CD81: variants seen among roughly 807,000 people sequenced by gnomAD.
CD81 encodes the protein CD81 antigen.
Under a neutral mutation model 30.1 loss-of-function variants are expected in CD81, and 10 were observed. The ratio of observed to expected loss-of-function variants is 0.33; its 90% CI spans 0.21 to 0.56. The LOEUF (loss-of-function observed/expected upper bound fraction) is 0.56, where lower values mean the gene tolerates loss of function less well. Among genes scored for constraint, CD81 ranks in the 20% least tolerant of loss-of-function variants. The pLI is 0.89. For missense variants in CD81, 263 were observed against 308.7 expected, an observed-to-expected ratio of 0.85 and a Z score of 1.11; for synonymous variants, 147 against 126.4, an observed-to-expected ratio of 1.16 and a Z score of -1.10.
chr11:2,393,937 G>T, intron 2 of CD81, 158 bp from the exon 3 acceptor site: 5 of 710,394 alleles, frequency 7.0e-6, no homozygotes, highest in Non-Finnish European at 1.3e-5. Context: ...ACCAGGCCAG[G>T]CTGGGATGTG....
chr11:2,387,632 G>A (rs561127995), intron 1 of CD81, among the ~76,000 whole-genome samples: 6 of 152,194 alleles, frequency 3.9e-5, no homozygotes, highest in African/African-American at 1.4e-4. Flanking sequence ...ACCAGGAGCT[G>A]TCTGCCCCTG....
chr11:2,384,674 T>C, intron 1 of CD81: 1 of 199,902 alleles, frequency 5.0e-6, no homozygotes, highest in Middle Eastern at 6.4e-4. Context: ...GCAGAGAGGC[T>C]TCCCACAGGT....
chr11:2,395,839 G>A (rs762529935), intron 5 of CD81, 30 bp from the exon 6 acceptor site: 2 of 1,518,584 alleles, frequency 1.3e-6, no homozygotes, highest in Non-Finnish European at 1.8e-6. Flanking sequence ...GGCACATCCA[G>A]GGCTGACCTT....
At chr11:2,390,667 T>C (rs1432259583) in intron 2 of CD81, 141 bp downstream of exon 2, 4 of 710,530 alleles carry the variant, frequency 5.6e-6, no homozygotes, top group Non-Finnish European at 1.0e-5. Flanking sequence ...TGGAAAGGGC[T>C]CTGGGCACAA....
At position 2,397,223 on chromosome 11, in the gene CD81, C is replaced by T. The variant is rs927447082; in HGVS notation, c.*357C>T. 5 of 400,224 alleles carry T rather than the reference C, an allele frequency of 1.2e-5. No individual in the cohort carries two copies. Among genetic ancestry groups the T allele is most frequent in the East Asian group, 5.7e-5 (1 of 17,560 alleles). The allele number at this position is 400,224 out of a possible 1,614,324, so 24.8% of individuals were successfully genotyped here. On this transcript the variant is annotated 3_prime_UTR_variant, in exon 8 of 8. Coordinates refer to ENST00000263645, the MANE Select transcript of CD81 (RefSeq NM_004356.4). Reference sequence around the variant, plus strand: ...ACTTGGGGGGCTGTGTCCACCCAGCCCGCCCGTCCTGTGGGCTGCACAGCT... The same window carrying T: ...ACTTGGGGGGCTGTGTCCACCCAGCTCGCCCGTCCTGTGGGCTGCACAGCT...
chr11:2,390,108 GT>G (rs1215022870), intron 1 of CD81: 3 of 519,444 alleles, frequency 5.8e-6, no homozygotes, highest in African/African-American at 5.8e-5. Flanking sequence ...GAAGTATTCT[GT>G]TTTCATCTGA....
chr11:2,391,127 G>A lies in CD81; in HGVS notation c.181+601G>A, dbSNP rs1275448037. ...GGAGGGGCAAGGCCAGGAGGAGGAG[G>A]AGGGCCATCTCACTGTGCAGAGAGC... On this transcript the variant is annotated intron_variant, in intron 2 of 7. Coordinates refer to ENST00000263645, the MANE Select transcript of CD81 (RefSeq NM_004356.4). The A allele has an allele frequency of 8.1e-5, 17 of 209,936 alleles. No individual in the cohort carries two copies. The East Asian group carries it at 1.8e-3, about 23-fold the overall frequency. 13.0% of individuals were successfully genotyped at this position (209,936 alleles called of 1,614,324 possible).
At chr11:2,386,711 T>G (rs1849804499) in intron 1 of CD81, 1 of 696,380 alleles carries the variant, frequency 1.4e-6, no homozygotes, top group Non-Finnish European at 2.7e-6. Context: ...CCCGACTACT[T>G]CTGGTAGCCT....
Position 2,394,184 on chromosome 11 carries a change from C to T in CD81, c.271C>T (p.Leu91=). Reference sequence around the variant, plus strand: ...GGCCATCCAGGAATCCCAGTGCCTGCTGGGGACGGTAAGGCAGGGAGGCGG... The same window carrying T: ...GGCCATCCAGGAATCCCAGTGCCTGTTGGGGACGGTAAGGCAGGGAGGCGG... ...YGAIQESQCL[L]GTFFTCLVIL... Residue 91 remains leucine (L), a synonymous_variant, in exon 3 of 8, where the codon CTG becomes TTG. Coordinates refer to ENST00000263645, the MANE Select transcript of CD81 (RefSeq NM_004356.4). 6.2e-7 allele frequency: 1 copy of T among 1,609,318 alleles called. No homozygotes were observed. Among genetic ancestry groups the T allele is most frequent in the South Asian group, 1.1e-5 (1 of 90,966 alleles).
In CD81 at chr11:2,395,463, C is replaced by G. The variant is rs768647721; in HGVS notation, c.402C>G (p.Ala134=). ...KQFYDQALQQ[A]VVDDDANNAK... The stretch of plus-strand genomic sequence containing the variant: ...TCTATGACCAGGCCCTACAGCAGGC[C>G]GTGGTGGATGATGACGCCAACAACG... The change falls in exon 5 of 8, where the codon GCC becomes GCG. Residue 134 remains alanine, a synonymous_variant. Transcript: ENST00000263645. 6.2e-7 allele frequency: 1 copy of G among 1,612,804 alleles called. No homozygotes were observed. The highest frequency in any genetic ancestry group is 8.5e-7 in the Non-Finnish European group (1 of 1,179,926).
chr11:2,389,728 C>T (rs1849862700), intron 1 of CD81, among the ~76,000 whole-genome samples: 1 of 150,468 alleles, frequency 6.6e-6, no homozygotes, highest in Non-Finnish European at 1.5e-5. Flanking sequence ...CCTCCCAAGT[C>T]CCTTCCCAGG....
At chr11:2,380,400 CGCACAG>C (rs1476478676) in intron 1 of CD81, among the ~76,000 whole-genome samples, 1 of 152,060 alleles carries the variant, frequency 6.6e-6, no homozygotes, top group Non-Finnish European at 1.5e-5. Flanking sequence ...CACACACACA[CGCACAG>C]GCACTCACAC....
intron 1 of CD81, among the ~76,000 whole-genome samples, chr11:2,381,514 C>A (rs1219975786): frequency 6.6e-6 from 1 of 152,240 alleles, no homozygotes; most frequent in Non-Finnish European, 1.5e-5. Context: ...GAGACAGACC[C>A]CAAAAGATCC....
At chr11:2,395,643 A>G in intron 5 of CD81, 123 bp downstream of exon 5, 1 of 837,612 alleles carries the variant, frequency 1.2e-6, no homozygotes, top group Non-Finnish European at 2.0e-6. Context: ...TGGGACCTCC[A>G]GGACCCCTGG....
intron 5 of CD81, 159 bp downstream of exon 5, chr11:2,395,679 C>T (rs1849986603): frequency 7.9e-6 from 6 of 756,504 alleles, no homozygotes; most frequent in Non-Finnish European, 1.4e-5. Context: ...GGGTGGGAAC[C>T]TAGTGGGCCA....
chr11:2,395,427 T>A lies in CD81; in HGVS notation c.366T>A (p.Asp122Glu), dbSNP rs1849979777. 3 of 1,612,202 alleles carry A rather than the reference T, an allele frequency of 1.9e-6. No homozygotes were observed. In the African/African-American group the frequency reaches 4.0e-5, roughly 22 times the overall value. Residue 122 changes from aspartate to glutamate, a missense_variant, in exon 5 of 8, where the codon GAT becomes GAA. This residue lies in a region of CD81 where 176 missense variants were observed against 192.9 expected (regional missense o/e 0.91). Transcript: ENST00000263645. ...GFVNKDQIAK[D>E]VKQFYDQALQ... is the part of the protein sequence containing the mutation. ...CACCCCTCCCCCAGATCGCCAAGGATGTGAAGCAGTTCTATGACCAGGCCC... is the reference window on the plus strand; with the variant it reads ...CACCCCTCCCCCAGATCGCCAAGGAAGTGAAGCAGTTCTATGACCAGGCCC...
At chr11:2,376,404 G>A (rs879689621), upstream of CD81, 3 of 152,262 alleles carry the variant, frequency 2.0e-5, no homozygotes, top group African/African-American at 7.2e-5. Context: ...CAGTTTTCTT[G>A]GAGAGGGCAT....
At position 2,390,407 on chromosome 11, in the gene CD81, C is replaced by A; in HGVS notation, c.67-5C>A. 6.2e-7 allele frequency: 1 copy of A among 1,610,214 alleles called. No individual in the cohort carries two copies. The highest frequency in any genetic ancestry group is 8.5e-7 in the Non-Finnish European group (1 of 1,177,712). ...ACATGTGACACTGTTCCCGCTCTTTCCCAGCTGGCTGGAGGCGTGATCCTG... is the reference window on the plus strand; with the variant it reads ...ACATGTGACACTGTTCCCGCTCTTTACCAGCTGGCTGGAGGCGTGATCCTG... On this transcript the variant is annotated splice_polypyrimidine_tract_variant and splice_region_variant and intron_variant, in intron 1 of 7. Transcript: ENST00000263645.
intron 2 of CD81, chr11:2,392,153 G>A (rs1849911232): frequency 6.6e-6 from 1 of 152,308 alleles, no homozygotes; most frequent in Admixed American, 6.5e-5. Flanking sequence ...TGTGAGGCAG[G>A]TGTTCTTGGA....
Sources: gnomAD v4.1 joint callset for allele counts (sites outside exome capture counted in the v4.1 genomes callset) on GRCh38, gnomAD v4.1.1 for gene constraint, gnomAD v4.1.1 regional missense constraint, MANE v1.5 for transcripts, NCBI Gene and HGNC (gene_info 2026-07-23, HGNC 2026-07-21) for gene names.